RBM6: variants seen among roughly 807,000 people sequenced by gnomAD.
RBM6 encodes RNA binding motif protein 6, also known as RNA-binding protein 6.
RBM6 carries 23 observed loss-of-function variants against 140.4 expected under a neutral mutation model. The ratio of observed to expected loss-of-function variants is 0.16; its 90% CI spans 0.12 to 0.23. The LOEUF (loss-of-function observed/expected upper bound fraction) is 0.23, where lower values mean the gene tolerates loss of function less well. Among genes scored for constraint, RBM6 ranks in the 10% least tolerant of loss-of-function variants. RBM6 has a pLI of 1.00. For synonymous variants in RBM6, 439 were observed against 475.6 expected (o/e 0.92, Z 1.00); for missense variants, 1,139 against 1,386.7 (o/e 0.82, Z 2.84).
chr3:50,054,621 C>T (rs1009852675), intron 8 of RBM6, among the ~76,000 whole-genome samples: 3 of 151,472 alleles, frequency 2.0e-5, no homozygotes, highest in Admixed American at 6.6e-5. Context: ...TTCCCCTGCC[C>T]TAGCCTCCTG....
At position 50,062,975 on chromosome 3, in the gene RBM6, C is replaced by T. The variant is rs537303294; in HGVS notation, c.2586+867C>T. On this transcript the variant is annotated intron_variant, in intron 15 of 20. Transcript: ENST00000266022. ...GTGGCATGATCATAGCTCACTTCTACGTCAAACCCATGGGCTTAAGCAGTC... is the reference window on the plus strand; with the variant it reads ...GTGGCATGATCATAGCTCACTTCTATGTCAAACCCATGGGCTTAAGCAGTC... Among the ~76,000 whole-genome samples, 10 of 150,166 alleles carry T rather than the reference C, an allele frequency of 6.7e-5. 1 individual carries two copies. Among genetic ancestry groups the T allele is most frequent in the African/African-American group, 2.2e-4 (9 of 40,828 alleles).
chr3:49,948,205 A>G (rs577584252), intron 1 of RBM6, among the ~76,000 whole-genome samples: 1 of 152,264 alleles, frequency 6.6e-6, no homozygotes, highest in South Asian at 2.1e-4. Flanking sequence ...CACTGTTGTG[A>G]TGGCTGTAGC....
chr3:50,045,947 C>G (rs2089197298), intron 6 of RBM6, among the ~76,000 whole-genome samples: 1 of 152,068 alleles, frequency 6.6e-6, no homozygotes, highest in Non-Finnish European at 1.5e-5. Flanking sequence ...GCCTACAGTC[C>G]ATGCTCTTAA....
intron 18 of RBM6, among the ~76,000 whole-genome samples, chr3:50,069,007 G>C (rs756355691): frequency 2.0e-5 from 3 of 152,214 alleles, no homozygotes; most frequent in Non-Finnish European, 4.4e-5. Context: ...TCTCTAGGTA[G>C]ATAACACTCC....
rs527603755 is a variant in RBM6 at position 49,985,638 on chromosome 3, A to G, written c.1483+10246A>G. On this transcript the variant is annotated intron_variant, in intron 5 of 20. Coordinates refer to ENST00000266022, the MANE Select transcript of RBM6 (RefSeq NM_005777.3). ...TATTTTTATTTTGAGATAGAGCCTC[A>G]CTCTGTCGCCCAGGCTGGAGTGCAG... is the stretch of plus-strand genomic sequence containing the variant. 1.1e-4 allele frequency among the ~76,000 whole-genome samples: 17 copies of G among 152,068 alleles called. No homozygotes were observed. In the East Asian group the frequency reaches 2.1e-3, roughly 19 times the overall value.
chr3:50,017,596 C>T (rs997323072), intron 6 of RBM6, among the ~76,000 whole-genome samples: 7 of 151,274 alleles, frequency 4.6e-5, no homozygotes, highest in African/African-American at 1.5e-4. Flanking sequence ...AATGTCTATT[C>T]AGGTCCTTTG....
At chr3:49,978,820 CTA>C (rs2085174081) in intron 5 of RBM6, among the ~76,000 whole-genome samples, 1 of 152,052 alleles carries the variant, frequency 6.6e-6, no homozygotes, top group South Asian at 2.1e-4. Context: ...GATTTTGGAC[CTA>C]TATATGTTGT....
intron 7 of RBM6, 72 bp downstream of exon 7, chr3:50,048,391 C>A: frequency 6.4e-7 from 1 of 1,558,044 alleles, no homozygotes. Context: ...TCTAGGAAGG[C>A]TGCCTGCTAA....
At chr3:49,988,856 G>C (rs1166863059) in intron 5 of RBM6, among the ~76,000 whole-genome samples, 1 of 151,978 alleles carries the variant, frequency 6.6e-6, no homozygotes, top group Non-Finnish European at 1.5e-5. Flanking sequence ...CAGGTACTCC[G>C]GAGGCTGAGC....
At chr3:49,971,934 A>G (rs1335648033) in intron 3 of RBM6, 125 bp from the exon 4 acceptor site, 6 of 684,870 alleles carry the variant, frequency 8.8e-6, no homozygotes, top group Non-Finnish European at 1.5e-5. Flanking sequence ...AGAAAATTGT[A>G]ATTTTTTATA....
At chr3:50,013,341 CTGGGCACTG>C (rs1416290403) in intron 6 of RBM6, among the ~76,000 whole-genome samples, 3 of 151,936 alleles carry the variant, frequency 2.0e-5, no homozygotes, top group African/African-American at 7.2e-5. Context: ...GCTTCTACTC[CTGGGCACTG>C]TGAGGTTTTT....
At chr3:50,043,178 A>G (rs1395679416) in intron 6 of RBM6, among the ~76,000 whole-genome samples, 1 of 152,080 alleles carries the variant, frequency 6.6e-6, no homozygotes, top group Non-Finnish European at 1.5e-5. Flanking sequence ...CTTTGGTTTT[A>G]CTTTCTAATA....
At chr3:50,069,110 T>C (rs908924340) in intron 18 of RBM6, among the ~76,000 whole-genome samples, 4 of 152,180 alleles carry the variant, frequency 2.6e-5, no homozygotes, top group African/African-American at 9.6e-5. Flanking sequence ...AAGGCTAAGC[T>C]GGAGGAAGTA....
intron 7 of RBM6, among the ~76,000 whole-genome samples, chr3:50,053,203 A>G (rs1337228338): frequency 7.9e-5 from 12 of 152,104 alleles, no homozygotes; most frequent in Admixed American, 5.9e-4. Flanking sequence ...AAGTGATGAC[A>G]TATACAGTAG....
At chr3:49,954,371 C>T (rs1386285079) in intron 1 of RBM6, among the ~76,000 whole-genome samples, 2 of 148,090 alleles carry the variant, frequency 1.4e-5, no homozygotes, top group African/African-American at 5.0e-5. Context: ...ACCCTGGAGG[C>T]GGAGGTTGCA....
intron 3 of RBM6, among the ~76,000 whole-genome samples, chr3:49,969,467 A>G (rs1053134789): frequency 3.6e-4 from 52 of 145,880 alleles, no homozygotes; most frequent in Non-Finnish European, 6.6e-4. Flanking sequence ...GTGTGTGTGT[A>G]TATATATATA....
At chr3:50,061,329 G>A in intron 13 of RBM6, 108 bp downstream of exon 13, 6 of 1,591,502 alleles carry the variant, frequency 3.8e-6, no homozygotes, top group South Asian at 3.4e-5. Context: ...GACTGAGGGT[G>A]CTCATCCAGA....
intron 6 of RBM6, among the ~76,000 whole-genome samples, chr3:50,044,317 T>C (rs2089107233): frequency 6.6e-6 from 1 of 152,028 alleles, no homozygotes; most frequent in African/African-American, 2.4e-5. Flanking sequence ...TAATAGATAA[T>C]AGGCAATTAA....
At chr3:50,032,172 G>A (rs2088206555) in intron 6 of RBM6, among the ~76,000 whole-genome samples, 1 of 152,038 alleles carries the variant, frequency 6.6e-6, no homozygotes, top group Non-Finnish European at 1.5e-5. Context: ...TAGGCATTAG[G>A]AGACTACTAG....
Sources: allele counts gnomAD v4.1 joint callset (sites outside exome capture counted in the v4.1 genomes callset), GRCh38; gene constraint gnomAD v4.1.1; transcripts MANE v1.5; gene names NCBI Gene and HGNC (gene_info 2026-07-23, HGNC 2026-07-21).